EYA3: variants seen among roughly 807,000 people sequenced by gnomAD.
The protein encoded by EYA3 is protein phosphatase EYA3.
A neutral mutation model predicts 80.0 loss-of-function variants in EYA3; 39 were observed. The observed-to-expected ratio is 0.49, with a 90% confidence interval of 0.38 to 0.64. EYA3 has a LOEUF of 0.64. Ranked by LOEUF, EYA3 falls within the 30% of genes least tolerant of loss-of-function variation. The pLI is 0.00. For synonymous variants in EYA3, 206 were observed against 232.8 expected (o/e 0.88, Z 1.05); for missense variants, 523 against 676.1 (o/e 0.77, Z 2.51).
chr1:28,006,932 A>ATTTTTTTT, intron 10 of EYA3, among the ~76,000 whole-genome samples: 2 of 127,314 alleles, frequency 1.6e-5, no homozygotes, highest in African/African-American at 6.1e-5. Flanking sequence ...AGATGACATA[A>ATTTTTTTT]TCTTTTTTTT....
At chr1:27,993,598 C>G (rs1640223273) in intron 13 of EYA3, 38 bp from the exon 14 acceptor site, 2 of 1,530,702 alleles carry the variant, frequency 1.3e-6, no homozygotes, top group African/African-American at 2.8e-5. Flanking sequence ...AAAATTTATA[C>G]AGCATAAAGT....
chr1:28,037,306 G>A (rs1171581094), intron 5 of EYA3, among the ~76,000 whole-genome samples: 1 of 152,164 alleles, frequency 6.6e-6, no homozygotes, highest in Non-Finnish European at 1.5e-5. Context: ...TAGCTAATAA[G>A]GAATTCTGAA....
intron 1 of EYA3, among the ~76,000 whole-genome samples, chr1:28,060,756 C>T (rs530259336): frequency 6.6e-6 from 1 of 152,308 alleles, no homozygotes; most frequent in Admixed American, 6.5e-5. Flanking sequence ...TGGCTCATGC[C>T]TGTAATCCCA....
intron 8 of EYA3, among the ~76,000 whole-genome samples, chr1:28,016,917 A>T (rs1372460210): frequency 3.3e-5 from 5 of 152,208 alleles, no homozygotes; most frequent in Admixed American, 2.6e-4. Flanking sequence ...GTGAAGACAA[A>T]TACAGTAAAG....
intron 1 of EYA3, among the ~76,000 whole-genome samples, chr1:28,076,930 C>T (rs1305218432): frequency 2.7e-5 from 4 of 149,158 alleles, no homozygotes; most frequent in African/African-American, 7.4e-5. Context: ...TTAATAGAGA[C>T]GGGGTTCTCC....
intron 16 of EYA3, among the ~76,000 whole-genome samples, chr1:27,979,189 T>C (rs1317747524): frequency 6.6e-6 from 1 of 152,052 alleles, no homozygotes; most frequent in Non-Finnish European, 1.5e-5. Context: ...GGGTGAAATG[T>C]TTTAGGGTAG....
chr1:27,984,795 CTA>C (rs954350995), intron 16 of EYA3, among the ~76,000 whole-genome samples: 2 of 152,134 alleles, frequency 1.3e-5, no homozygotes, highest in Non-Finnish European at 2.9e-5. Context: ...CCATATAACT[CTA>C]GAGCCACTAC....
intron 3 of EYA3, among the ~76,000 whole-genome samples, chr1:28,046,879 T>TGCC (rs1255580693): frequency 6.6e-6 from 1 of 151,718 alleles, no homozygotes; most frequent in East Asian, 1.9e-4. Context: ...CATCTTGCTC[T>TGCC]GCCACCAACC....
In EYA3 at chr1:27,971,797, T is replaced by C. The variant is rs2148692095; in HGVS notation, c.*2669A>G. ...TTATTTTCCTTTCCAGATTTTTGTG[T>C]TGGGGTGGAGAAAAAGGCAGGGTAA... On this transcript the variant is annotated 3_prime_UTR_variant, in exon 18 of 18. Coordinates refer to ENST00000373871, the MANE Select transcript of EYA3 (RefSeq NM_001990.4). 1 of 152,266 alleles carries C rather than the reference T, an allele frequency of 6.6e-6. No homozygotes were observed. Among genetic ancestry groups the C allele is most frequent in the South Asian group, 2.1e-4 (1 of 4,820 alleles). The allele number at this position is 152,266 out of a possible 1,614,324, so 9.4% of individuals were successfully genotyped here. A position where few individuals can be genotyped will look rare whatever the true frequency, so the allele number is the denominator to read the frequency against.
At chr1:27,978,682 G>A (rs141657402) in intron 16 of EYA3, among the ~76,000 whole-genome samples, 2 of 152,286 alleles carry the variant, frequency 1.3e-5, no homozygotes, top group East Asian at 3.9e-4. Flanking sequence ...AAAATAACTT[G>A]GCCGGGCATG....
intron 1 of EYA3, among the ~76,000 whole-genome samples, chr1:28,058,419 A>G (rs1179145777): frequency 6.6e-6 from 1 of 152,204 alleles, no homozygotes; most frequent in Non-Finnish European, 1.5e-5. Context: ...TTAGAGTTAC[A>G]CTAAAAATGA....
intron 11 of EYA3, among the ~76,000 whole-genome samples, chr1:28,001,402 A>G (rs1640828707): frequency 6.6e-6 from 1 of 151,430 alleles, no homozygotes; most frequent in African/African-American, 2.4e-5. Flanking sequence ...GTTTGTTTAT[A>G]ATGTAAAAAA....
intron 13 of EYA3, among the ~76,000 whole-genome samples, chr1:27,994,050 G>C (rs973923024): frequency 6.6e-6 from 1 of 152,106 alleles, no homozygotes. Context: ...AGGTCACTGT[G>C]GTAGCTTCAA....
At position 27,993,428 on chromosome 1, in the gene EYA3, G is replaced by A. The variant is rs1640208709; in HGVS notation, c.1275C>T (p.Ile425=). 6.2e-7 allele frequency: 1 copy of A among 1,613,396 alleles called. No individual in the cohort carries two copies. The highest frequency in any genetic ancestry group is 1.7e-5 in the Admixed American group (1 of 59,842). ...LAFRYRKVRE[I]YDKHKSNVGG... is the part of the protein sequence containing the mutation. Reference sequence around the variant, plus strand: ...CCACGTTGCTTTTATGCTTATCATAGATTTCTCTCACTTTCCGGTAGCGGA... The same window carrying A: ...CCACGTTGCTTTTATGCTTATCATAAATTTCTCTCACTTTCCGGTAGCGGA... The change falls in exon 14 of 18, where the codon ATC becomes ATT. Residue 425 remains isoleucine, a synonymous_variant. Transcript: ENST00000373871.
chr1:28,065,805 C>T (rs1419133662), intron 1 of EYA3, among the ~76,000 whole-genome samples: 1 of 151,078 alleles, frequency 6.6e-6, no homozygotes, highest in Non-Finnish European at 1.5e-5. Context: ...GAGTTCAAGG[C>T]CAGCCTGGCG....
At chr1:28,030,344 G>A (rs1643064914) in intron 6 of EYA3, among the ~76,000 whole-genome samples, 2 of 152,078 alleles carry the variant, frequency 1.3e-5, no homozygotes, top group East Asian at 1.9e-4. Flanking sequence ...CCAGGCTGGA[G>A]GGCAGTGGTG....
chr1:28,015,690 T>C (rs988835498), intron 8 of EYA3, among the ~76,000 whole-genome samples: 1 of 152,020 alleles, frequency 6.6e-6, no homozygotes, highest in Non-Finnish European at 1.5e-5. Context: ...ACTATGGTAA[T>C]TCAGGATTAA....
chr1:28,006,769 G>A (rs939394060), intron 10 of EYA3, among the ~76,000 whole-genome samples: 6 of 151,816 alleles, frequency 4.0e-5, no homozygotes, highest in African/African-American at 1.5e-4. Flanking sequence ...ACACCTAGTG[G>A]TGAAAGACTG....
At position 28,004,436 on chromosome 1, in the gene EYA3, T is replaced by C. The variant is rs771338701; in HGVS notation, c.910-17A>G. On this transcript the variant is annotated splice_polypyrimidine_tract_variant and intron_variant, in intron 10 of 17. Transcript: ENST00000373871. The stretch of plus-strand genomic sequence containing the variant: ...AAATACCCGCTGAGGAAAGAAAATA[T>C]AAAAAATGAGTATATTTTCCAATTA... 1 of 1,582,762 alleles carries C rather than the reference T, an allele frequency of 6.3e-7. No homozygotes were observed. Among genetic ancestry groups the C allele is most frequent in the Admixed American group, 1.7e-5 (1 of 58,954 alleles).
Sources: allele counts gnomAD v4.1 joint callset (sites outside exome capture counted in the v4.1 genomes callset), GRCh38; gene constraint gnomAD v4.1.1; transcripts MANE v1.5; gene names NCBI Gene and HGNC (gene_info 2026-07-23, HGNC 2026-07-21).